The following USP53 variants were observed in gnomAD, a reference collection of about 807,000 sequenced individuals.
The protein encoded by USP53 is ubiquitin carboxyl-terminal hydrolase 53.
A neutral mutation model predicts 94.9 loss-of-function variants in USP53; 71 were observed. That is an observed-to-expected ratio of 0.75 (90% CI 0.62 to 0.91). The LOEUF is 0.91. Among genes scored for constraint, USP53 ranks in the 40% least tolerant of loss-of-function variants. USP53 has a pLI of 0.00. For missense variants in USP53, 1,173 were observed against 1,281.0 expected (o/e 0.92, Z 1.29); for synonymous variants, 375 against 422.7 (o/e 0.89, Z 1.39).
chr4:119,286,309 T>A (rs1754109563), intron 17 of USP53, among the ~76,000 whole-genome samples: 1 of 151,690 alleles, frequency 6.6e-6, no homozygotes, highest in Non-Finnish European at 1.5e-5. Flanking sequence ...CTGCTTTGGG[T>A]TTTTTTGTAT....
intron 15 of USP53, 96 bp downstream of exon 15, chr4:119,269,933 ATAAT>A: frequency 5.3e-6 from 3 of 567,226 alleles, no homozygotes; most frequent in Non-Finnish European, 7.2e-6. Context: ...TATATGTTAA[ATAAT>A]ATATATTAAA....
At chr4:119,213,670 G>GTGTGTGTGTA (rs1553962030) in intron 1 of USP53, among the ~76,000 whole-genome samples, 1 of 120,502 alleles carries the variant, frequency 8.3e-6, no homozygotes, top group Non-Finnish European at 1.6e-5. Context: ...ATGTGTGTGT[G>GTGTGTGTGTA]TGTATGTATG....
intron 3 of USP53, among the ~76,000 whole-genome samples, chr4:119,223,745 G>A (rs1178039195): frequency 6.6e-6 from 1 of 152,056 alleles, no homozygotes; most frequent in African/African-American, 2.4e-5. Context: ...TGTTAAATTG[G>A]CCTTTAAGGT....
At chr4:119,287,837 A>G (rs1267854669) in intron 17 of USP53, among the ~76,000 whole-genome samples, 1 of 152,210 alleles carries the variant, frequency 6.6e-6, no homozygotes, top group Non-Finnish European at 1.5e-5. Context: ...GGCATAGTGC[A>G]GTGGCATGAG....
At chr4:119,287,610 G>A (rs1056634933) in intron 17 of USP53, among the ~76,000 whole-genome samples, 1 of 152,156 alleles carries the variant, frequency 6.6e-6, no homozygotes, top group Non-Finnish European at 1.5e-5. Context: ...AGAGGAAAAT[G>A]AGATAAATGA....
chr4:119,245,590 C>A (rs1748123628), intron 6 of USP53, among the ~76,000 whole-genome samples, 161 bp downstream of exon 6: 1 of 152,152 alleles, frequency 6.6e-6, no homozygotes, highest in South Asian at 2.1e-4. Flanking sequence ...TTTGTGTTTT[C>A]ATTTTCCTCT....
chr4:119,228,200 T>C (rs1366621023), intron 3 of USP53, among the ~76,000 whole-genome samples: 4 of 152,164 alleles, frequency 2.6e-5, no homozygotes, highest in Non-Finnish European at 5.9e-5. Context: ...CTGGAGGCCC[T>C]AAGGAAGAAG....
chr4:119,221,833 A>G (rs1341437892), intron 3 of USP53, among the ~76,000 whole-genome samples: 1 of 152,184 alleles, frequency 6.6e-6, no homozygotes, highest in Non-Finnish European at 1.5e-5. Context: ...TCAGCTCTGT[A>G]TGGTTGTCCC....
intron 5 of USP53, among the ~76,000 whole-genome samples, chr4:119,244,096 T>C (rs77233508): frequency 6.6e-6 from 1 of 152,334 alleles, no homozygotes; most frequent in East Asian, 1.9e-4. Flanking sequence ...TTTATTAACC[T>C]CAGTGGTACA....
At chr4:119,242,011 G>A (rs1357530588) in intron 5 of USP53, among the ~76,000 whole-genome samples, 1 of 152,032 alleles carries the variant, frequency 6.6e-6, no homozygotes, top group African/African-American at 2.4e-5. Flanking sequence ...CCCATCCAGT[G>A]TATTTTTTGT....
intron 4 of USP53, among the ~76,000 whole-genome samples, chr4:119,238,218 C>T (rs1352074475): frequency 6.6e-6 from 1 of 152,208 alleles, no homozygotes; most frequent in African/African-American, 2.4e-5. Flanking sequence ...ATGCCTTCCT[C>T]ACCAAGCTTA....
intron 6 of USP53, among the ~76,000 whole-genome samples, chr4:119,246,897 T>C (rs1053222131): frequency 2.0e-5 from 3 of 152,240 alleles, no homozygotes; most frequent in Non-Finnish European, 4.4e-5. Flanking sequence ...TGTTTCATTT[T>C]TTTACATTCT....
At chr4:119,219,706 C>G (rs1472707882) in intron 3 of USP53, 1 of 152,164 alleles carries the variant, frequency 6.6e-6, no homozygotes, top group East Asian at 1.9e-4. Context: ...GGGAAAACAC[C>G]TGTTAAATAA....
At chr4:119,260,946 CTCTCTTT>C (rs1750418961) in intron 11 of USP53, among the ~76,000 whole-genome samples, 1 of 124,552 alleles carries the variant, frequency 8.0e-6, no homozygotes. Flanking sequence ...GCACTGATCT[CTCTCTTT>C]TTTTTTTTTT....
intron 5 of USP53, among the ~76,000 whole-genome samples, chr4:119,243,196 A>C (rs929052623): frequency 1.8e-4 from 28 of 152,194 alleles, no homozygotes; most frequent in African/African-American, 5.1e-4. Flanking sequence ...GAATATAATC[A>C]ACATTTTAAA....
intron 2 of USP53, among the ~76,000 whole-genome samples, chr4:119,215,912 G>C (rs1743674368): frequency 6.6e-6 from 1 of 152,102 alleles, no homozygotes; most frequent in South Asian, 2.1e-4. Flanking sequence ...TTAATTTGAA[G>C]ATAACATTAG....
chr4:119,273,615 T>C lies in USP53; in HGVS notation c.2175-17T>C, dbSNP rs1752156226. ...TCCATAATACCTGATGTGTTTAGTG[T>C]GTATTTTATTTTCTAGTGACCAGAT... On this transcript the variant is annotated splice_polypyrimidine_tract_variant and intron_variant, in intron 16 of 18. Coordinates refer to ENST00000692078, the MANE Select transcript of USP53 (RefSeq NM_001371395.1). The C allele has an allele frequency of 1.2e-6, 2 of 1,605,526 alleles. No individual in the cohort carries two copies. Among genetic ancestry groups the C allele is most frequent in the Non-Finnish European group, 1.7e-6 (2 of 1,173,384 alleles).
At chr4:119,274,107 T>A (rs940488403) in intron 17 of USP53, among the ~76,000 whole-genome samples, 5 of 150,996 alleles carry the variant, frequency 3.3e-5, no homozygotes, top group Non-Finnish European at 7.4e-5. Flanking sequence ...TTATTTATTT[T>A]TTTATTATAC....
At chr4:119,286,635 G>A (rs1754148696) in intron 17 of USP53, among the ~76,000 whole-genome samples, 1 of 151,964 alleles carries the variant, frequency 6.6e-6, no homozygotes, top group Non-Finnish European at 1.5e-5. Context: ...AATTACTTAA[G>A]AACTAAATAT....
Sources: allele counts gnomAD v4.1 joint callset (sites outside exome capture counted in the v4.1 genomes callset), GRCh38; gene constraint gnomAD v4.1.1; transcripts MANE v1.5; gene names NCBI Gene and HGNC (gene_info 2026-07-23, HGNC 2026-07-21).